Variants in KSR2 observed in about 807,000 individuals in gnomAD.
The protein encoded by KSR2 is kinase suppressor of ras 2.
In KSR2, 25 loss-of-function variants were observed where a neutral mutation model predicts 107.8. That is an observed-to-expected ratio of 0.23 (90% CI 0.17 to 0.32). KSR2 has a LOEUF of 0.32. Among genes scored for constraint, KSR2 ranks in the 10% least tolerant of loss-of-function variants. The pLI is 1.00. For missense variants in KSR2, 887 were observed against 1,268.9 expected (o/e 0.70, Z 4.57); for synonymous variants, 480 against 507.0 (o/e 0.95, Z 0.71).
intron 3 of KSR2, among the ~76,000 whole-genome samples, chr12:117,780,714 TA>T (rs1889853104): frequency 6.6e-6 from 1 of 152,330 alleles, no homozygotes; most frequent in East Asian, 1.9e-4. Context: ...TTTCCTACAA[TA>T]AAAAATTAAT....
At chr12:117,826,086 G>C (rs973270417) in intron 3 of KSR2, among the ~76,000 whole-genome samples, 2 of 152,074 alleles carry the variant, frequency 1.3e-5, no homozygotes, top group African/African-American at 4.8e-5. Context: ...TGTATGGATG[G>C]AAGGAAGGAA....
intron 5 of KSR2, among the ~76,000 whole-genome samples, chr12:117,632,764 T>C (rs4767589): frequency 0.91 from 138,551 of 151,934 alleles, 63,399 homozygotes; most frequent in East Asian, 0.99. Context: ...TGTTTAGCTC[T>C]TAAGTATAAG....
intron 1 of KSR2, among the ~76,000 whole-genome samples, chr12:117,933,837 AGCAAGAGGGTG>A (rs1198359456): frequency 6.6e-6 from 1 of 152,142 alleles, no homozygotes; most frequent in Non-Finnish European, 1.5e-5. Context: ...AGCGACACAC[AGCAAGAGGGTG>A]GCAGAGCTGG....
At chr12:117,767,551 G>A (rs1048151136) in intron 3 of KSR2, among the ~76,000 whole-genome samples, 1 of 152,046 alleles carries the variant, frequency 6.6e-6, no homozygotes, top group Non-Finnish European at 1.5e-5. Flanking sequence ...TGTAATCCCA[G>A]CACTTCGGAA....
intron 5 of KSR2, among the ~76,000 whole-genome samples, chr12:117,632,620 A>G (rs905065952): frequency 3.3e-5 from 5 of 152,088 alleles, no homozygotes; most frequent in African/African-American, 1.2e-4. Context: ...TTTGGTGTAC[A>G]GATTATTTCA....
chr12:117,875,833 T>G (rs908445845), intron 1 of KSR2, among the ~76,000 whole-genome samples: 4 of 152,042 alleles, frequency 2.6e-5, no homozygotes, highest in Admixed American at 2.6e-4. Flanking sequence ...ATCATCCTGT[T>G]TATTGGTTTC....
chr12:117,775,595 C>T (rs1359763421), intron 3 of KSR2, among the ~76,000 whole-genome samples: 1 of 152,200 alleles, frequency 6.6e-6, no homozygotes. Flanking sequence ...CCACAGAGCA[C>T]GTTCTCTTGG....
At chr12:117,720,697 G>A (rs978052496) in intron 4 of KSR2, among the ~76,000 whole-genome samples, 4 of 152,154 alleles carry the variant, frequency 2.6e-5, no homozygotes, top group South Asian at 2.1e-4. Context: ...CATACATCAC[G>A]ATAAATGCTA....
At chr12:117,715,885 T>C (rs977033423) in intron 4 of KSR2, among the ~76,000 whole-genome samples, 1 of 152,248 alleles carries the variant, frequency 6.6e-6, no homozygotes, top group Non-Finnish European at 1.5e-5. Context: ...CCAGTCATAC[T>C]GTTCTTCATT....
intron 5 of KSR2, among the ~76,000 whole-genome samples, chr12:117,614,708 T>C (rs898286855): frequency 3.3e-5 from 5 of 152,200 alleles, no homozygotes; most frequent in Middle Eastern, 3.2e-3. Context: ...GAGAGGAAAA[T>C]GAATCAACAT....
intron 4 of KSR2, among the ~76,000 whole-genome samples, chr12:117,737,979 G>A (rs550057570): frequency 6.6e-6 from 1 of 152,218 alleles, no homozygotes; most frequent in Admixed American, 6.5e-5. Flanking sequence ...GTCCCAAGGT[G>A]TGCAAGTCAC....
rs532991154 is a variant in KSR2, at chr12:117,709,587, G to C, written c.987-41929C>G. On this transcript the variant is annotated intron_variant, in intron 4 of 19. Coordinates refer to ENST00000339824, the MANE Select transcript of KSR2 (RefSeq NM_173598.6). ...TCTGCTTCCACCTCCCAAAGTGCTA[G>C]GATAACAGACATGAGCCACTGTGCC... 5.3e-4 allele frequency among the ~76,000 whole-genome samples: 80 copies of C among 152,300 alleles called. 3 individuals are homozygous for C. In the South Asian group the frequency reaches 0.016, roughly 30 times the overall value.
At chr12:117,818,312 C>T (rs1205125387) in intron 3 of KSR2, among the ~76,000 whole-genome samples, 1 of 152,084 alleles carries the variant, frequency 6.6e-6, no homozygotes, top group Admixed American at 6.5e-5. Flanking sequence ...TTAGCAGAGA[C>T]AGTATGTGCT....
intron 5 of KSR2, among the ~76,000 whole-genome samples, chr12:117,600,110 C>A (rs1880855689): frequency 6.6e-6 from 1 of 152,170 alleles, no homozygotes; most frequent in South Asian, 2.1e-4. Context: ...TACCTAAGGA[C>A]AAAATGGCCA....
At chr12:117,707,827 A>T (rs1221868138) in intron 4 of KSR2, among the ~76,000 whole-genome samples, 4 of 152,114 alleles carry the variant, frequency 2.6e-5, no homozygotes, top group Non-Finnish European at 5.9e-5. Context: ...CTGGGAGGGG[A>T]TAGGGGTTGC....
intron 13 of KSR2, among the ~76,000 whole-genome samples, chr12:117,526,489 G>A (rs1002705221): frequency 6.6e-6 from 1 of 152,158 alleles, no homozygotes; most frequent in Non-Finnish European, 1.5e-5. Flanking sequence ...AACAATACAG[G>A]GGACATTGAT....
chr12:117,474,130 C>T (rs749899077), intron 17 of KSR2, among the ~76,000 whole-genome samples: 13 of 152,186 alleles, frequency 8.5e-5, no homozygotes, highest in African/African-American at 4.8e-5. Context: ...CTCATTAAAA[C>T]TTCCTTTTAA....
intron 1 of KSR2, among the ~76,000 whole-genome samples, chr12:117,865,486 T>C (rs1354956052): frequency 6.6e-6 from 1 of 152,214 alleles, no homozygotes; most frequent in African/African-American, 2.4e-5. Flanking sequence ...TCTGGTCCCT[T>C]TAAAAAATAA....
At chr12:117,917,623 G>T (rs1337678970) in intron 1 of KSR2, among the ~76,000 whole-genome samples, 1 of 152,166 alleles carries the variant, frequency 6.6e-6, no homozygotes, top group African/African-American at 2.4e-5. Context: ...AGGGCATGGG[G>T]GGTAGGGGGC....
Sources: gnomAD v4.1 joint callset for allele counts (sites outside exome capture counted in the v4.1 genomes callset) on GRCh38, gnomAD v4.1.1 for gene constraint, MANE v1.5 for transcripts, NCBI Gene and HGNC (gene_info 2026-07-23, HGNC 2026-07-21) for gene names.